The following BCL10 variants were observed in gnomAD, a reference collection of about 807,000 sequenced individuals.
BCL10 encodes the protein BCL10 immune signaling adaptor, also known as B-cell lymphoma/leukemia 10.
In BCL10, 5 loss-of-function variants were observed where a neutral mutation model predicts 19.2. The observed-to-expected ratio is 0.26, with a 90% CI of 0.14 to 0.55. The LOEUF is 0.55. Among genes scored for constraint, BCL10 ranks in the 20% least tolerant of loss-of-function variants. The pLI, the probability that BCL10 is intolerant of heterozygous loss-of-function variation, is 0.94. For missense variants in BCL10, 201 were observed against 271.9 expected (o/e 0.74, Z 1.83); for synonymous variants, 110 against 98.8 (o/e 1.11, Z -0.67).
chr1:85,267,718 G>A lies in BCL10; in HGVS notation c.611C>T (p.Pro204Leu). ...RPGDPGAPPLPPDLQLEEEGT... is the reference protein window; with the variant it reads ...RPGDPGAPPLLPDLQLEEEGT... Reference sequence around the variant, plus strand: ...TTCTTCTTCTAACTGTAGATCTGGTGGCAAAGGAGGAGCCCCTGGGTCCCC... The same window carrying A: ...TTCTTCTTCTAACTGTAGATCTGGTAGCAAAGGAGGAGCCCCTGGGTCCCC... Residue 204 changes from proline (P) to leucine (L), a missense_variant, in exon 3 of 3, where the codon CCA becomes CTA. Around this residue, in one of 3 missense-constraint regions of BCL10, gnomAD observed 126 missense variants for 136.6 expected, o/e 0.92. Coordinates refer to ENST00000648566, the MANE Select transcript of BCL10 (RefSeq NM_003921.5). 6.2e-7 allele frequency: 1 copy of A among 1,614,174 alleles called. No individual in the cohort carries two copies. The highest frequency in any genetic ancestry group is 1.3e-5 in the African/African-American group (1 of 75,028).
intron 1 of BCL10, among the ~76,000 whole-genome samples, chr1:85,273,311 C>A (rs1457242010): frequency 6.6e-6 from 1 of 152,192 alleles, no homozygotes; most frequent in African/African-American, 2.4e-5. Context: ...TGCATAAACA[C>A]AGTTGACTAC....
Position 85,276,454 on chromosome 1 carries a change from G to A in BCL10, c.-102C>T, listed in dbSNP as rs550556009. On this transcript the variant is annotated 5_prime_UTR_variant, in exon 1 of 3. Transcript: ENST00000648566. ...GCCTCCGGGTAATGGGGAAGAAGGAGAGGAGGCGGAGCGGGTCGGGAGAAA... is the reference window on the plus strand; with the variant it reads ...GCCTCCGGGTAATGGGGAAGAAGGAAAGGAGGCGGAGCGGGTCGGGAGAAA... The A allele has an allele frequency of 1.5e-6, 2 of 1,358,168 alleles. No homozygotes were observed. The highest frequency in any genetic ancestry group is 3.5e-5 in the Admixed American group (2 of 56,494). 84.1% of individuals were successfully genotyped at this position (1,358,168 alleles called of 1,614,324 possible).
Position 85,267,756 on chromosome 1 carries a change from T to C in BCL10, c.573A>G (p.Thr191=), listed in dbSNP as rs2100743197. ...RTENTIFSST[T]LPRPGDPGAP... is the part of the protein sequence containing the mutation. ...CCCCTGGGTCCCCAGGTCTGGGAAG[T>C]GTAGTTGAAGAGAAGATGGTATTTT... is the stretch of plus-strand genomic sequence containing the variant. Residue 191 remains threonine, a synonymous_variant, in exon 3 of 3, where the codon ACA becomes ACG. Coordinates refer to ENST00000648566, the MANE Select transcript of BCL10 (RefSeq NM_003921.5). The C allele has an allele frequency of 2.5e-6, 4 of 1,614,236 alleles. No homozygotes were observed. Among genetic ancestry groups the C allele is most frequent in the Non-Finnish European group, 3.4e-6 (4 of 1,180,048 alleles).
rs1361276171 is a variant in BCL10 at position 85,267,762 on chromosome 1, T to G, written c.567A>C (p.Ser189=). The G allele has an allele frequency of 6.2e-7, 1 of 1,614,194 alleles. No homozygotes were observed. ...VGRTENTIFS[S]TTLPRPGDPG... ...GGTCCCCAGGTCTGGGAAGTGTAGT[T>G]GAAGAGAAGATGGTATTTTCAGTTC... is the stretch of plus-strand genomic sequence containing the variant. The change falls in exon 3 of 3, where the codon TCA becomes TCC. Residue 189 remains serine (S), a synonymous_variant. Transcript: ENST00000648566.
rs780017880 is a variant in BCL10, at chr1:85,270,679, C to G, written c.285G>C (p.Leu95=). ...GCACTTCATCTGTAATCTTCTGTAT[C>G]AGGAAGTTCTGTGTTTTTTCTCGCC... The part of the protein sequence containing the change: ...SIRREKTQNF[L]IQKITDEVLK... Residue 95 remains leucine (L), a synonymous_variant, in exon 2 of 3, where the codon CTG becomes CTC. Coordinates refer to ENST00000648566, the MANE Select transcript of BCL10 (RefSeq NM_003921.5). 1.1e-5 allele frequency: 17 copies of G among 1,613,244 alleles called. No individual in the cohort carries two copies. The Admixed American group carries it at 1.7e-4, about 16-fold the overall frequency.
chr1:85,267,901 A>G lies in BCL10; in HGVS notation c.428T>C (p.Phe143Ser), dbSNP rs1570329712. Residue 143 changes from phenylalanine to serine, a missense_variant, in exon 3 of 3, where the codon TTC (phenylalanine) becomes TCC (serine). Coordinates refer to ENST00000648566, the MANE Select transcript of BCL10 (RefSeq NM_003921.5). The part of the protein sequence containing the change: ...LSRSNSDESN[F>S]SEKLRASTVM... The stretch of plus-strand genomic sequence containing the variant: ...AGTGGATGCCCTCAGTTTTTCAGAG[A>G]AATTACTCTCATCTGAATTTGATCT... 1 of 1,613,944 alleles carries G rather than the reference A, an allele frequency of 6.2e-7. No individual in the cohort carries two copies. Among genetic ancestry groups the G allele is most frequent in the Non-Finnish European group, 8.5e-7 (1 of 1,179,950 alleles).
chr1:85,270,577 A>C (rs1275877622), intron 2 of BCL10, 41 bp downstream of exon 2: 2 of 1,550,958 alleles, frequency 1.3e-6, no homozygotes, highest in Non-Finnish European at 8.8e-7. Flanking sequence ...TAAAAGCATT[A>C]TTACATTTAA....
chr1:85,271,892 A>C (rs1660378154), intron 1 of BCL10, among the ~76,000 whole-genome samples: 1 of 152,236 alleles, frequency 6.6e-6, no homozygotes, highest in Non-Finnish European at 1.5e-5. Context: ...TATTCACATG[A>C]CAAGTATTTT....
At position 85,270,911 on chromosome 1, in the gene BCL10, A is replaced by G. The variant is rs572902078; in HGVS notation, c.58-5T>C. The G allele has an allele frequency of 4.3e-5, 68 of 1,597,184 alleles. No homozygotes were observed. The African/African-American group carries it at 7.4e-4, about 17-fold the overall frequency. ...TACACGTAAATTTTCTAAGGCCTAA[A>G]AGACATAAAATATGGTTCAATGTTA... On this transcript the variant is annotated splice_region_variant and splice_polypyrimidine_tract_variant and intron_variant, in intron 1 of 2. Coordinates refer to ENST00000648566, the MANE Select transcript of BCL10 (RefSeq NM_003921.5).
Position 85,267,720 on chromosome 1 carries a change from C to A in BCL10, c.609G>T (p.Leu203Phe). ...CTTCTTCTAACTGTAGATCTGGTGG[C>A]AAAGGAGGAGCCCCTGGGTCCCCAG... is the stretch of plus-strand genomic sequence containing the variant. ...PRPGDPGAPP[L>F]PPDLQLEEEG... Residue 203 changes from leucine (L) to phenylalanine (F), a missense_variant, in exon 3 of 3, where the codon TTG becomes TTT. Around this residue, in one of 3 missense-constraint regions of BCL10, gnomAD observed 126 missense variants for 136.6 expected, o/e 0.92. Coordinates refer to ENST00000648566, the MANE Select transcript of BCL10 (RefSeq NM_003921.5). 1 of 1,614,072 alleles carries A rather than the reference C, an allele frequency of 6.2e-7. No individual in the cohort carries two copies. Among genetic ancestry groups the A allele is most frequent in the Non-Finnish European group, 8.5e-7 (1 of 1,180,004 alleles).
intron 1 of BCL10, among the ~76,000 whole-genome samples, chr1:85,275,638 GC>G (rs1368760396): frequency 6.6e-6 from 1 of 152,158 alleles, no homozygotes; most frequent in African/African-American, 2.4e-5. Context: ...TCTCAACAAA[GC>G]CATTCGTTAC....
At chr1:85,276,259 C>A in intron 1 of BCL10, 37 bp downstream of exon 1, 1 of 1,607,390 alleles carries the variant, frequency 6.2e-7, no homozygotes. Flanking sequence ...GGCTGCAGCC[C>A]GCCCCCGCCC....
At chr1:85,276,033 G>A (rs755163977) in intron 1 of BCL10, among the ~76,000 whole-genome samples, 4 of 152,220 alleles carry the variant, frequency 2.6e-5, no homozygotes, top group African/African-American at 4.8e-5. Context: ...TGGGTGAGGA[G>A]TGGGCAAGAA....
In BCL10 at chr1:85,276,615, G is replaced by C; in HGVS notation, c.-263C>G. ...GGAGCAGCGTTCCTTCCCTCTCGTA[G>C]AGGCTCAGGCGCAGGCACCGCCCCA... On this transcript the variant is annotated 5_prime_UTR_variant, in exon 1 of 3. Coordinates refer to ENST00000648566, the MANE Select transcript of BCL10 (RefSeq NM_003921.5). 7.1e-6 allele frequency: 4 copies of C among 565,742 alleles called. No homozygotes were observed. In the South Asian group the frequency reaches 8.1e-5, roughly 12 times the overall value. 35.0% of individuals were successfully genotyped at this position (565,742 alleles called of 1,614,324 possible).
intron 1 of BCL10, 127 bp downstream of exon 1, chr1:85,276,169 G>T: frequency 8.4e-7 from 1 of 1,192,188 alleles, no homozygotes; most frequent in Non-Finnish European, 1.2e-6. Context: ...CAGTCCTCCT[G>T]TGCTAGGACT....
chr1:85,273,152 T>A (rs1025664087), intron 1 of BCL10, among the ~76,000 whole-genome samples: 1 of 152,156 alleles, frequency 6.6e-6, no homozygotes, highest in Non-Finnish European at 1.5e-5. Context: ...GTGTATACAC[T>A]TCATCTTTCT....
At chr1:85,276,135 G>C (rs925046044) in intron 1 of BCL10, among the ~76,000 whole-genome samples, 161 bp downstream of exon 1, 1 of 152,232 alleles carries the variant, frequency 6.6e-6, no homozygotes, top group Non-Finnish European at 1.5e-5. Flanking sequence ...TGCCACCAAG[G>C]TCCCTCGGAT....
At chr1:85,272,675 C>T (rs1290131178) in intron 1 of BCL10, among the ~76,000 whole-genome samples, 1 of 152,124 alleles carries the variant, frequency 6.6e-6, no homozygotes, top group African/African-American at 2.4e-5. Flanking sequence ...GTTGGATCAA[C>T]CTCAGTGCAA....
At chr1:85,269,946 GA>G (rs1338313604) in intron 2 of BCL10, among the ~76,000 whole-genome samples, 3 of 152,170 alleles carry the variant, frequency 2.0e-5, no homozygotes, top group African/African-American at 7.2e-5. Flanking sequence ...TTCATCTTGT[GA>G]TCAACTGGTG....
Sources: gnomAD v4.1 joint callset for allele counts (sites outside exome capture counted in the v4.1 genomes callset) on GRCh38, gnomAD v4.1.1 for gene constraint, gnomAD v4.1.1 regional missense constraint, MANE v1.5 for transcripts, NCBI Gene and HGNC (gene_info 2026-07-23, HGNC 2026-07-21) for gene names.